CXADR: variants seen among roughly 807,000 people sequenced by gnomAD.
CXADR encodes coxsackievirus and adenovirus receptor.
In CXADR, 20 loss-of-function variants were observed where a neutral mutation model predicts 40.3. The ratio of observed to expected loss-of-function variants is 0.50; its 90% CI spans 0.35 to 0.72. The LOEUF (loss-of-function observed/expected upper bound fraction) is 0.72. CXADR is among the 30% of genes least tolerant of loss of function. The pLI is 0.01. For synonymous variants in CXADR, 150 were observed against 161.3 expected, an observed-to-expected ratio of 0.93 and a Z score of 0.53; for missense variants, 332 against 449.1, an observed-to-expected ratio of 0.74 and a Z score of 2.36.
At chr21:17,557,059 G>C (rs571910008) in intron 3 of CXADR, among the ~76,000 whole-genome samples, 1 of 152,054 alleles carries the variant, frequency 6.6e-6, no homozygotes, top group Non-Finnish European at 1.5e-5. Context: ...AAACAAAAAT[G>C]CATTTACCTT....
chr21:17,576,993 G>A (rs184845615), intron 7 of CXADR: 74 of 152,192 alleles, frequency 4.9e-4, no homozygotes, highest in African/African-American at 1.7e-3. Context: ...TTAAAAATAT[G>A]TTACATTTCC....
the CXADR span, among the ~76,000 whole-genome samples, chr21:17,630,216 GA>G: frequency 6.6e-6 from 1 of 152,144 alleles, no homozygotes; most frequent in Non-Finnish European, 1.5e-5. Flanking sequence ...TTCCAAATTA[GA>G]AAATTGTATG....
the CXADR span, chr21:17,598,671 C>T: frequency 6.2e-7 from 1 of 1,614,054 alleles, no homozygotes; most frequent in South Asian, 1.1e-5. Context: ...CTTCCATTTC[C>T]TTACTTGTTT....
chr21:17,548,514 T>TG (rs2060926904), intron 2 of CXADR, among the ~76,000 whole-genome samples: 1 of 152,250 alleles, frequency 6.6e-6, no homozygotes, highest in Non-Finnish European at 1.5e-5. Context: ...CTGGAGGTGC[T>TG]GGCACCTAGA....
In CXADR at chr21:17,565,494, A is replaced by G. The variant is rs1243301080; in HGVS notation, c.900A>G (p.Ser300=). The change falls in exon 7 of 7, where the codon TCA becomes TCG. Residue 300 remains serine (S), a synonymous_variant. Coordinates refer to ENST00000284878, the MANE Select transcript of CXADR (RefSeq NM_001338.5). ...GAAGCTACATCGGCAGTAATCATTC[A>G]TCCCTGGGGTCCATGTCTCCTTCCA... is the stretch of plus-strand genomic sequence containing the variant. ...TARSYIGSNH[S]SLGSMSPSNM... is the part of the protein sequence containing the mutation. The G allele has an allele frequency of 3.1e-6, 5 of 1,613,966 alleles. No homozygotes were observed. The East Asian group carries it at 1.1e-4, about 36-fold the overall frequency.
At chr21:17,556,439 G>A (rs764540955) in intron 3 of CXADR, among the ~76,000 whole-genome samples, 32 of 151,372 alleles carry the variant, frequency 2.1e-4, no homozygotes, top group Non-Finnish European at 4.1e-4. Context: ...TCCGTTATTA[G>A]ATATGTTTAG....
downstream of CXADR, among the ~76,000 whole-genome samples, chr21:17,597,903 A>C (rs564469181): frequency 6.6e-6 from 1 of 152,288 alleles, no homozygotes; most frequent in East Asian, 1.9e-4. Flanking sequence ...GGTATGTTTC[A>C]CATTTAATCA....
At chr21:17,594,436 C>G, downstream of CXADR, 21 of 1,299,616 alleles carry the variant, frequency 1.6e-5, no homozygotes, top group African/African-American at 3.0e-5. Context: ...ACACTGAGAT[C>G]ACATCTAAGT....
the CXADR span, among the ~76,000 whole-genome samples, chr21:17,602,610 G>T: frequency 6.6e-6 from 1 of 152,028 alleles, no homozygotes; most frequent in Non-Finnish European, 1.5e-5. Flanking sequence ...GACACTCGCA[G>T]GTGATTTCTA....
intron 3 of CXADR, among the ~76,000 whole-genome samples, chr21:17,553,614 C>CTTT (rs10710377): frequency 1.2e-4 from 15 of 128,274 alleles, no homozygotes; most frequent in Non-Finnish European, 8.5e-5. Flanking sequence ...GGTCCGAATT[C>CTTT]TTTTTTTTTT....
chr21:17,619,293 G>A, the CXADR span, among the ~76,000 whole-genome samples: 13 of 152,300 alleles, frequency 8.5e-5, no homozygotes, highest in Admixed American at 3.3e-4. Context: ...GTTGAGGTGG[G>A]TGGATCATGT....
chr21:17,630,256 A>T, the CXADR span, among the ~76,000 whole-genome samples: 1 of 152,256 alleles, frequency 6.6e-6, no homozygotes, highest in Non-Finnish European at 1.5e-5. Flanking sequence ...ATATCCAAAA[A>T]TAGAGAGCAA....
At chr21:17,591,457 T>G (rs914644647) in intron 7 of CXADR, among the ~76,000 whole-genome samples, 1 of 152,056 alleles carries the variant, frequency 6.6e-6, no homozygotes, top group African/African-American at 2.4e-5. Flanking sequence ...ATACCTCTGT[T>G]AGCTGAGAAG....
At chr21:17,536,461 G>A (rs990073895) in intron 1 of CXADR, among the ~76,000 whole-genome samples, 2 of 152,014 alleles carry the variant, frequency 1.3e-5, no homozygotes, top group African/African-American at 4.8e-5. Flanking sequence ...ATGCCTTATG[G>A]TCCTCTCTCC....
chr21:17,559,792 C>T (rs898002599), intron 4 of CXADR, among the ~76,000 whole-genome samples: 4 of 150,168 alleles, frequency 2.7e-5, no homozygotes, highest in Non-Finnish European at 5.9e-5. Context: ...GAGCCTCCCA[C>T]TTCAGCCTCC....
Position 17,565,766 on chromosome 21 carries a change from A to G in CXADR, c.*74A>G. 2 of 1,535,874 alleles carry G rather than the reference A, an allele frequency of 1.3e-6. No individual in the cohort carries two copies. Among genetic ancestry groups the G allele is most frequent in the Non-Finnish European group, 1.7e-6 (2 of 1,143,254 alleles). The stretch of plus-strand genomic sequence containing the variant: ...GATATATGAAAACCTATTCTGGTCT[A>G]AATTGTGTTACTAGCCTCAAAATAC... On this transcript the variant is annotated 3_prime_UTR_variant, in exon 7 of 7. Transcript: ENST00000284878.
intron 7 of CXADR, among the ~76,000 whole-genome samples, chr21:17,588,873 T>TATAC (rs1279683316): frequency 6.6e-6 from 1 of 152,116 alleles, no homozygotes; most frequent in Non-Finnish European, 1.5e-5. Flanking sequence ...ATTGACTTTA[T>TATAC]GTATTAATTT....
At position 17,530,387 on chromosome 21, in the gene CXADR, A is replaced by T. The variant is rs1028200593; in HGVS notation, c.44-16640A>T. The T allele has an allele frequency of 6.6e-6, 3 of 455,210 alleles. No individual in the cohort carries two copies. The Admixed American group carries it at 7.1e-5, about 11-fold the overall frequency. The allele number at this position is 455,210 out of a possible 1,614,324, so 28.2% of individuals were successfully genotyped here. ...TTATTTTACTTCTCATGTTGGTAAG[A>T]TTATTCATGTTGTGTAGCTTTGTTT... On this transcript the variant is annotated intron_variant, in intron 1 of 6. Coordinates refer to ENST00000284878, the MANE Select transcript of CXADR (RefSeq NM_001338.5).
Position 17,568,192 on chromosome 21 carries a change from G to T in CXADR, c.*2500G>T. 2 of 967,392 alleles carry T rather than the reference G, an allele frequency of 2.1e-6. No individual in the cohort carries two copies. Among genetic ancestry groups the T allele is most frequent in the Non-Finnish European group, 2.5e-6 (2 of 816,074 alleles). 59.9% of individuals were successfully genotyped at this position (967,392 alleles called of 1,614,324 possible). A position where few individuals can be genotyped will look rare whatever the true frequency, so the allele number is the denominator to read the frequency against. ...CACCCAGGCTGGAGTGCAGTGGCGGGATCTCGGCTCACTGCAAGCTCCGCC... is the reference window on the plus strand; with the variant it reads ...CACCCAGGCTGGAGTGCAGTGGCGGTATCTCGGCTCACTGCAAGCTCCGCC... On this transcript the variant is annotated 3_prime_UTR_variant, in exon 7 of 7. Coordinates refer to ENST00000284878, the MANE Select transcript of CXADR (RefSeq NM_001338.5).
Sources: gnomAD v4.1 joint callset for allele counts (sites outside exome capture counted in the v4.1 genomes callset) on GRCh38, gnomAD v4.1.1 for gene constraint, MANE v1.5 for transcripts, NCBI Gene and HGNC (gene_info 2026-07-23, HGNC 2026-07-21) for gene names.